Variants in POFUT2 observed in about 807,000 individuals in gnomAD.
POFUT2 encodes the protein protein O-fucosyltransferase 2.
In POFUT2, 30 loss-of-function variants were observed where a neutral mutation model predicts 55.0. The observed-to-expected ratio is 0.55, with a 90% CI of 0.41 to 0.74. The LOEUF is 0.74. POFUT2 is among the 30% of genes least tolerant of loss of function. The pLI is 0.00. For synonymous variants in POFUT2, 267 were observed against 231.1 expected (o/e 1.16, Z -1.41); for missense variants, 524 against 562.6 (o/e 0.93, Z 0.69).
chr21:45,268,228 G>A (rs1267527992), intron 7 of POFUT2, among the ~76,000 whole-genome samples: 2 of 152,238 alleles, frequency 1.3e-5, no homozygotes, highest in African/African-American at 4.8e-5. Flanking sequence ...CGAGTGATCC[G>A]CCAGCCTCGG....
chr21:45,281,410 A>C lies in POFUT2; in HGVS notation c.638+939T>G, dbSNP rs968465075. ...AACAATTCAGCCTAGCTCCCTCCAC[A>C]ACCTCTGAGTTCTGTCTGCAACAGC... is the stretch of plus-strand genomic sequence containing the variant. On this transcript the variant is annotated intron_variant, in intron 4 of 8. Transcript: ENST00000349485. This position sits in a 1 kb window ranked among gnomAD's most constrained non-coding sequence, Gnocchi z 5.0. Among the ~76,000 whole-genome samples, 1 of 152,158 alleles carries C rather than the reference A, an allele frequency of 6.6e-6. No individual in the cohort carries two copies. The highest frequency in any genetic ancestry group is 1.5e-5 in the Non-Finnish European group (1 of 68,024).
Position 45,277,159 on chromosome 21 carries a change from G to A in POFUT2, c.706-17C>T, listed in dbSNP as rs374813926. 5.4e-5 allele frequency: 87 copies of A among 1,609,968 alleles called. No homozygotes were observed. The highest frequency in any genetic ancestry group is 1.7e-4 in the Middle Eastern group (1 of 5,970). On this transcript the variant is annotated splice_polypyrimidine_tract_variant and intron_variant, in intron 5 of 8. Coordinates refer to ENST00000349485, the MANE Select transcript of POFUT2 (RefSeq NM_133635.6). The surrounding 1 kb of genome is among the most constrained non-coding windows in gnomAD (Gnocchi z 6.9). ...GCGACGGGTCTGTGGAAACGGCGACGGCTCGGCTGAGAACACGCCCGCCCG... is the reference window on the plus strand; with the variant it reads ...GCGACGGGTCTGTGGAAACGGCGACAGCTCGGCTGAGAACACGCCCGCCCG...
rs2093161630 is a variant in POFUT2, at chr21:45,267,022, C to T, written c.1136+568G>A. 9.4e-6 allele frequency: 10 copies of T among 1,058,730 alleles called. 1 individual carries two copies. In the South Asian group the frequency reaches 1.5e-4, roughly 16 times the overall value. 65.6% of individuals were successfully genotyped at this position (1,058,730 alleles called of 1,614,324 possible). A position where few individuals can be genotyped will look rare whatever the true frequency, so the allele number is the denominator to read the frequency against. ...GGGCCCACGCTCCCGGCCTCTGGGA[C>T]GCTCACGGCAGCCCCACGAGAATGA... On this transcript the variant is annotated intron_variant, in intron 8 of 8. Coordinates refer to ENST00000349485, the MANE Select transcript of POFUT2 (RefSeq NM_133635.6). The surrounding 1 kb of genome is among the most constrained non-coding windows in gnomAD (Gnocchi z 4.4).
Position 45,270,941 on chromosome 21 carries a change from G to A in POFUT2, c.832-922C>T, listed in dbSNP as rs1035846274. 1.3e-5 allele frequency among the ~76,000 whole-genome samples: 2 copies of A among 152,210 alleles called. No individual in the cohort carries two copies. Among genetic ancestry groups the A allele is most frequent in the Non-Finnish European group, 2.9e-5 (2 of 68,034 alleles). On this transcript the variant is annotated intron_variant, in intron 6 of 8. Transcript: ENST00000349485. This position sits in a 1 kb window ranked among gnomAD's most constrained non-coding sequence, Gnocchi z 4.6. The stretch of plus-strand genomic sequence containing the variant: ...TTCCACTGAAGTAGTCTGCCCAAAT[G>A]AGAAGCAGGCAGAAAAGCAATTGTG...
intron 6 of POFUT2, among the ~76,000 whole-genome samples, chr21:45,276,803 G>A (rs180800432): frequency 2.0e-5 from 3 of 152,282 alleles, no homozygotes; most frequent in Non-Finnish European, 4.4e-5. Context: ...GCCAGGCCGA[G>A]TGACTCCCTG....
chr21:45,284,656 T>A lies in POFUT2; in HGVS notation c.382+1022A>T, dbSNP rs2031175809. 6.6e-6 allele frequency among the ~76,000 whole-genome samples: 1 copy of A among 152,206 alleles called. No homozygotes were observed. Among genetic ancestry groups the A allele is most frequent in the African/African-American group, 2.4e-5 (1 of 41,454 alleles). On this transcript the variant is annotated intron_variant, in intron 2 of 8. Transcript: ENST00000349485. The surrounding 1 kb of genome is among the most constrained non-coding windows in gnomAD (Gnocchi z 5.8). ...TCCGCTTCCCTGTCAGGAAACCCAC[T>A]GGTACCAAAGGGAGGTAAGGATAGC...
Position 45,285,967 on chromosome 21 carries a change from G to T in POFUT2, c.132-39C>A. 3 of 1,563,190 alleles carry T rather than the reference G, an allele frequency of 1.9e-6. No homozygotes were observed. Among genetic ancestry groups the T allele is most frequent in the Non-Finnish European group, 1.7e-6 (2 of 1,155,410 alleles). On this transcript the variant is annotated intron_variant, in intron 1 of 8. Coordinates refer to ENST00000349485, the MANE Select transcript of POFUT2 (RefSeq NM_133635.6). This position sits in a 1 kb window ranked among gnomAD's most constrained non-coding sequence, Gnocchi z 4.9. Reference sequence around the variant, plus strand: ...AGGAGGACCACAGGTCTCAAATGCTGAGGTTTCTGCACGGAAAACCCGACT... The same window carrying T: ...AGGAGGACCACAGGTCTCAAATGCTTAGGTTTCTGCACGGAAAACCCGACT...
intron 4 of POFUT2, 42 bp from the exon 5 acceptor site, chr21:45,278,211 A>C: frequency 6.6e-7 from 1 of 1,521,902 alleles, no homozygotes; most frequent in Non-Finnish European, 9.1e-7. Context: ...ATAAGAGTTA[A>C]GGATGATGAC....
chr21:45,270,657 C>T lies in POFUT2; in HGVS notation c.832-638G>A, dbSNP rs992271207. 2.4e-4 allele frequency among the ~76,000 whole-genome samples: 36 copies of T among 152,206 alleles called. No homozygotes were observed. Among genetic ancestry groups the T allele is most frequent in the Admixed American group, 9.8e-4 (15 of 15,288 alleles). On this transcript the variant is annotated intron_variant, in intron 6 of 8. Coordinates refer to ENST00000349485, the MANE Select transcript of POFUT2 (RefSeq NM_133635.6). The surrounding 1 kb of genome is among the most constrained non-coding windows in gnomAD (Gnocchi z 4.6). ...CCCCCCAGAGTCCACTTCACTCCCC[C>T]GCCACCTCCAGCAGAGCAGGTGCTG...
intron 8 of POFUT2, chr21:45,266,971 C>A: frequency 9.7e-7 from 1 of 1,027,214 alleles, no homozygotes; most frequent in Non-Finnish European, 1.2e-6. Context: ...CCTCCCACAG[C>A]AACCCCAGAG....
Position 45,264,669 on chromosome 21 carries a change from C to G in POFUT2, c.*813G>C, listed in dbSNP as rs1054316957. On this transcript the variant is annotated 3_prime_UTR_variant, in exon 9 of 9. Transcript: ENST00000349485. ...GCAGGGACGGCCAGCCGGGCGAGGG[C>G]GGGGCAGTCGGGGTGAGGGTGGGGC... is the stretch of plus-strand genomic sequence containing the variant. 2.7e-5 allele frequency: 1 copy of G among 36,824 alleles called. No individual in the cohort carries two copies. Among genetic ancestry groups the G allele is most frequent in the African/African-American group, 1.1e-4 (1 of 9,460 alleles). The allele number at this position is 36,824 out of a possible 1,614,324, so 2.3% of individuals were successfully genotyped here. A position where few individuals can be genotyped will look rare whatever the true frequency, so the allele number is the denominator to read the frequency against.
chr21:45,285,601 C>T lies in POFUT2; in HGVS notation c.382+77G>A, dbSNP rs1388117321. 7 of 1,585,434 alleles carry T rather than the reference C, an allele frequency of 4.4e-6. No homozygotes were observed. In the Admixed American group the frequency reaches 1.2e-4, roughly 26 times the overall value. On this transcript the variant is annotated intron_variant, in intron 2 of 8. Coordinates refer to ENST00000349485, the MANE Select transcript of POFUT2 (RefSeq NM_133635.6). The surrounding 1 kb of genome is among the most constrained non-coding windows in gnomAD (Gnocchi z 4.9). ...AGGCTGGATGCAATCGTAAGCCCAA[C>T]CTGATGTCTACCTTAGAAATGACTG...
intron 8 of POFUT2, chr21:45,266,838 G>C: frequency 9.9e-7 from 1 of 1,005,254 alleles, no homozygotes; most frequent in African/African-American, 1.7e-5. Context: ...TGCTAACCAC[G>C]GGGAAGATCA....
In POFUT2 at chr21:45,285,441, C is replaced by A. The variant is rs2031282404; in HGVS notation, c.382+237G>T. 1 of 561,216 alleles carries A rather than the reference C, an allele frequency of 1.8e-6. No homozygotes were observed. Among genetic ancestry groups the A allele is most frequent in the Admixed American group, 2.4e-5 (1 of 42,240 alleles). 34.8% of individuals were successfully genotyped at this position (561,216 alleles called of 1,614,324 possible). A position where few individuals can be genotyped will look rare whatever the true frequency, so the allele number is the denominator to read the frequency against. On this transcript the variant is annotated intron_variant, in intron 2 of 8. Transcript: ENST00000349485. This position sits in a 1 kb window ranked among gnomAD's most constrained non-coding sequence, Gnocchi z 4.9. ...GCTCTAACTGAGGGGGCACAAAGCTCATCCACTTCAGGTCCATTTCCGAGA... is the reference window on the plus strand; with the variant it reads ...GCTCTAACTGAGGGGGCACAAAGCTAATCCACTTCAGGTCCATTTCCGAGA...
intron 2 of POFUT2, 75 bp from the exon 3 acceptor site, chr21:45,283,602 G>T: frequency 6.8e-7 from 1 of 1,476,884 alleles, no homozygotes; most frequent in Non-Finnish European, 9.4e-7. Flanking sequence ...TCAGTCACCA[G>T]CAGCTGACTC....
chr21:45,273,120 A>G (rs997479249), intron 6 of POFUT2, among the ~76,000 whole-genome samples: 2 of 152,234 alleles, frequency 1.3e-5, no homozygotes, highest in Non-Finnish European at 2.9e-5. Flanking sequence ...CTCTGAAAAG[A>G]TAAACAACAT....
chr21:45,271,966 G>A (rs979174679), intron 6 of POFUT2, among the ~76,000 whole-genome samples: 4 of 151,964 alleles, frequency 2.6e-5, no homozygotes, highest in African/African-American at 9.7e-5. Context: ...AATCTCACAG[G>A]GCATATAAAA....
In POFUT2 at chr21:45,285,529, T is replaced by A. The variant is rs527431265; in HGVS notation, c.382+149A>T. The A allele has an allele frequency of 6.7e-6, 6 of 894,718 alleles. No homozygotes were observed. Among genetic ancestry groups the A allele is most frequent in the Non-Finnish European group, 1.1e-5 (6 of 555,626 alleles). The allele number at this position is 894,718 out of a possible 1,614,324, so 55.4% of individuals were successfully genotyped here. On this transcript the variant is annotated intron_variant, in intron 2 of 8. Coordinates refer to ENST00000349485, the MANE Select transcript of POFUT2 (RefSeq NM_133635.6). This position sits in a 1 kb window ranked among gnomAD's most constrained non-coding sequence, Gnocchi z 4.9. Reference sequence around the variant, plus strand: ...CTGTGCTCCTGAACGGAGGAGGTGCTGCCACAGGCCTCAGGCAGCAGCACT... The same window carrying A: ...CTGTGCTCCTGAACGGAGGAGGTGCAGCCACAGGCCTCAGGCAGCAGCACT...
Position 45,277,877 on chromosome 21 carries a change from T to C in POFUT2, c.705+226A>G. 1.7e-6 allele frequency: 1 copy of C among 589,484 alleles called. No homozygotes were observed. Among genetic ancestry groups the C allele is most frequent in the Non-Finnish European group, 3.0e-6 (1 of 331,030 alleles). The allele number at this position is 589,484 out of a possible 1,614,324, so 36.5% of individuals were successfully genotyped here. ...GCCACCGCATTCAGGGCCTGTGGCA[T>C]CAGAGGGGAGAGCTGGGTGGCCCTG... On this transcript the variant is annotated intron_variant, in intron 5 of 8. Coordinates refer to ENST00000349485, the MANE Select transcript of POFUT2 (RefSeq NM_133635.6). This position sits in a 1 kb window ranked among gnomAD's most constrained non-coding sequence, Gnocchi z 6.9.
Sources: gnomAD v4.1 joint callset for allele counts (sites outside exome capture counted in the v4.1 genomes callset) on GRCh38, gnomAD v4.1.1 for gene constraint, Gnocchi (gnomAD v3.1) non-coding constraint, MANE v1.5 for transcripts, NCBI Gene and HGNC (gene_info 2026-07-23, HGNC 2026-07-21) for gene names.